Variants in LPIN2 observed in about 807,000 individuals in gnomAD.
LPIN2 encodes phosphatidate phosphatase LPIN2.
A neutral mutation model predicts 111.4 loss-of-function variants in LPIN2; 55 were observed. The observed-to-expected ratio is 0.49, with a 90% confidence interval of 0.40 to 0.62. The LOEUF (loss-of-function observed/expected upper bound fraction) is 0.62, where lower values mean the gene tolerates loss of function less well. Ranked by LOEUF, LPIN2 falls within the 20% of genes least tolerant of loss-of-function variation. The pLI is 0.00. For synonymous variants in LPIN2, 425 were observed against 414.0 expected, an observed-to-expected ratio of 1.03 and a Z score of -0.32; for missense variants, 992 against 1,112.1, an observed-to-expected ratio of 0.89 and a Z score of 1.54.
intron 1 of LPIN2, among the ~76,000 whole-genome samples, chr18:3,001,272 A>G (rs1473231751): frequency 6.6e-6 from 1 of 152,202 alleles, no homozygotes; most frequent in Non-Finnish European, 1.5e-5. Flanking sequence ...CCAACACAGA[A>G]AATTACTGGG....
intron 9 of LPIN2, 27 bp from the exon 10 acceptor site, chr18:2,929,185 G>C (rs750258141): frequency 2.9e-6 from 4 of 1,367,790 alleles, no homozygotes; most frequent in South Asian, 1.2e-5. Context: ...TAATCAATTT[G>C]GTTAGAGATT....
At chr18:3,008,200 C>T (rs1381474805) in intron 1 of LPIN2, among the ~76,000 whole-genome samples, 1 of 152,130 alleles carries the variant, frequency 6.6e-6, no homozygotes, top group Non-Finnish European at 1.5e-5. Context: ...CCAACACTTT[C>T]GGAGGCCAAG....
In LPIN2 at chr18:2,921,971, C is replaced by G. The variant is rs1027812470; in HGVS notation, c.2327+76G>C. 2.6e-6 allele frequency: 4 copies of G among 1,519,784 alleles called. No homozygotes were observed. The African/African-American group carries it at 4.2e-5, about 16-fold the overall frequency. The allele number at this position is 1,519,784 out of a possible 1,614,324, so 94.1% of individuals were successfully genotyped here. Reference sequence around the variant, plus strand: ...CTCCAACATCTGACTTCTGTTCCCACACATCCCCCCACCTTGGGCCCAGCC... The same window carrying G: ...CTCCAACATCTGACTTCTGTTCCCAGACATCCCCCCACCTTGGGCCCAGCC... On this transcript the variant is annotated intron_variant, in intron 17 of 19. Coordinates refer to ENST00000677752, the MANE Select transcript of LPIN2 (RefSeq NM_001375808.2).
chr18:2,967,106 T>G (rs1448444324), intron 1 of LPIN2: 1 of 152,182 alleles, frequency 6.6e-6, no homozygotes, highest in East Asian at 1.9e-4. Flanking sequence ...CATTTGATTT[T>G]CAAAAAGAGA....
chr18:3,007,265 A>G (rs2078530252), intron 1 of LPIN2, among the ~76,000 whole-genome samples: 4 of 152,070 alleles, frequency 2.6e-5, no homozygotes, highest in Admixed American at 2.0e-4. Context: ...TCCGCCTCCC[A>G]GGTTCATGCC....
In LPIN2 at chr18:2,928,113, G is replaced by C. The variant is rs536614505; in HGVS notation, c.1621-302C>G. Among the ~76,000 whole-genome samples, 4 of 152,240 alleles carry C rather than the reference G, an allele frequency of 2.6e-5. No individual in the cohort carries two copies. The South Asian group carries it at 8.3e-4, about 32-fold the overall frequency. On this transcript the variant is annotated intron_variant, in intron 11 of 19. Transcript: ENST00000677752. ...GGAAAATGTGGTTCTCATGAGTTAA[G>C]AGGACCAACTAGGCTGATGATGTCT...
At chr18:3,002,249 A>C (rs951887113) in intron 1 of LPIN2, among the ~76,000 whole-genome samples, 1 of 149,460 alleles carries the variant, frequency 6.7e-6, no homozygotes, top group African/African-American at 2.5e-5. Context: ...AAAAAAAAAA[A>C]AAAAAAAAAC....
chr18:2,953,108 AG>A (rs1161184335), intron 3 of LPIN2, among the ~76,000 whole-genome samples: 12 of 152,228 alleles, frequency 7.9e-5, no homozygotes, highest in African/African-American at 2.9e-4. Flanking sequence ...TTTTATTTTA[AG>A]GAGAAGCATA....
intron 1 of LPIN2, chr18:2,982,593 AT>A (rs1291199971): frequency 1.1e-5 from 6 of 543,764 alleles, no homozygotes; most frequent in African/African-American, 1.0e-4. Flanking sequence ...GGTGGATGCC[AT>A]CCCCTTGTCT....
At chr18:2,926,609 G>C (rs1939161386) in intron 13 of LPIN2, 114 bp downstream of exon 13, 1 of 820,098 alleles carries the variant, frequency 1.2e-6, no homozygotes, top group Non-Finnish European at 2.0e-6. Context: ...ACAGCATGTA[G>C]TATCTGCAGA....
chr18:2,957,748 G>A (rs772949076), intron 2 of LPIN2, among the ~76,000 whole-genome samples: 77 of 152,082 alleles, frequency 5.1e-4, no homozygotes, highest in Non-Finnish European at 3.1e-4. Flanking sequence ...CAGAGGTGGG[G>A]AAAGAAAAAG....
intron 1 of LPIN2, among the ~76,000 whole-genome samples, chr18:2,999,173 G>A (rs762464330): frequency 3.3e-5 from 5 of 152,190 alleles, no homozygotes; most frequent in African/African-American, 7.2e-5. Flanking sequence ...AAAAAGAAAC[G>A]CTGAACTCCT....
In LPIN2 at chr18:2,951,363, G is replaced by C. The variant is rs1055123313; in HGVS notation, c.289-7C>G. 1.2e-6 allele frequency: 2 copies of C among 1,612,780 alleles called. No homozygotes were observed. Among genetic ancestry groups the C allele is most frequent in the Non-Finnish European group, 1.7e-6 (2 of 1,179,028 alleles). ...GGTAAGCAGGAAGCTTTTCCTTGAG[G>C]AGAATGGAGAAAGAAAAGTTATCCA... is the stretch of plus-strand genomic sequence containing the variant. On this transcript the variant is annotated splice_region_variant and splice_polypyrimidine_tract_variant and intron_variant, in intron 3 of 19. Coordinates refer to ENST00000677752, the MANE Select transcript of LPIN2 (RefSeq NM_001375808.2).
intron 7 of LPIN2, among the ~76,000 whole-genome samples, chr18:2,934,731 G>T (rs2077261686): frequency 6.6e-6 from 1 of 152,130 alleles, no homozygotes; most frequent in Admixed American, 6.5e-5. Flanking sequence ...TTTTAATGGT[G>T]AAGTCTTTTT....
At chr18:3,012,528 T>A (rs1366599568) in intron 1 of LPIN2, among the ~76,000 whole-genome samples, 2 of 152,100 alleles carry the variant, frequency 1.3e-5, no homozygotes, top group Non-Finnish European at 2.9e-5. Context: ...CACATTTGAA[T>A]CCGGTCCACA....
intron 1 of LPIN2, among the ~76,000 whole-genome samples, chr18:3,006,791 C>T (rs1181612590): frequency 5.3e-5 from 8 of 150,848 alleles, no homozygotes; most frequent in African/African-American, 1.2e-4. Flanking sequence ...GAGCAGAGAT[C>T]GCGCCGCTGC....
intron 1 of LPIN2, among the ~76,000 whole-genome samples, chr18:2,998,270 A>G (rs2078375392): frequency 1.3e-5 from 2 of 152,268 alleles, no homozygotes; most frequent in South Asian, 4.1e-4. Context: ...TTTGCAAAAC[A>G]AATGCCAAGT....
In LPIN2 at chr18:2,917,112, A is replaced by G. The variant is rs1042020632; in HGVS notation, c.*3181T>C. Reference sequence around the variant, plus strand: ...GCTTTACTGTAACTAAGAGTACTGTACTGATGATGTTTACAATTAACTTTG... The same window carrying G: ...GCTTTACTGTAACTAAGAGTACTGTGCTGATGATGTTTACAATTAACTTTG... On this transcript the variant is annotated 3_prime_UTR_variant, in exon 20 of 20. Coordinates refer to ENST00000677752, the MANE Select transcript of LPIN2 (RefSeq NM_001375808.2). 5.9e-5 allele frequency: 9 copies of G among 152,270 alleles called. No homozygotes were observed. The highest frequency in any genetic ancestry group is 2.2e-4 in the African/African-American group (9 of 41,478). 9.4% of individuals were successfully genotyped at this position (152,270 alleles called of 1,614,324 possible).
At chr18:2,950,925 CA>C (rs1439670613) in intron 4 of LPIN2, 129 bp downstream of exon 4, 8 of 947,002 alleles carry the variant, frequency 8.4e-6, no homozygotes, top group Non-Finnish European at 1.4e-5. Context: ...TGCTTGATTC[CA>C]CAATAAACTG....
Sources: gnomAD v4.1 joint callset for allele counts (sites outside exome capture counted in the v4.1 genomes callset) on GRCh38, gnomAD v4.1.1 for gene constraint, MANE v1.5 for transcripts, NCBI Gene and HGNC (gene_info 2026-07-23, HGNC 2026-07-21) for gene names.